Variants in CTNND2 observed in about 807,000 individuals in gnomAD.
CTNND2 encodes catenin delta-2.
In CTNND2, 22 loss-of-function variants were observed where a neutral mutation model predicts 144.4. The observed-to-expected ratio is 0.15, with a 90% CI of 0.11 to 0.22. The LOEUF (loss-of-function observed/expected upper bound fraction) is 0.22, where lower values mean the gene tolerates loss of function less well. CTNND2 is among the 10% of genes least tolerant of loss of function. The pLI, the probability that CTNND2 is intolerant of heterozygous loss-of-function variation, is 1.00. For synonymous variants in CTNND2, 751 were observed against 695.6 expected, an observed-to-expected ratio of 1.08 and a Z score of -1.25; for missense variants, 1,353 against 1,618.8, an observed-to-expected ratio of 0.84 and a Z score of 2.82.
At chr5:11,081,084 A>ACACACACACACACACACT (rs1561272710) in intron 16 of CTNND2, among the ~76,000 whole-genome samples, 14 of 150,194 alleles carry the variant, frequency 9.3e-5, no homozygotes, top group Non-Finnish European at 3.0e-5. Flanking sequence ...ACACACACAC[A>ACACACACACACACACACT]CACACACACA....
intron 1 of CTNND2, among the ~76,000 whole-genome samples, chr5:11,745,228 A>ATT (rs1052800670): frequency 5.9e-5 from 9 of 152,134 alleles, no homozygotes; most frequent in African/African-American, 2.2e-4. Context: ...TGGCACATAC[A>ATT]TTGTTGGCAA....
intron 16 of CTNND2, among the ~76,000 whole-genome samples, chr5:11,077,171 G>C (rs938556586): frequency 6.6e-6 from 1 of 152,106 alleles, no homozygotes; most frequent in African/African-American, 2.4e-5. Context: ...ATTGGGCATT[G>C]TTCTAGGTAC....
At chr5:11,368,488 C>T (rs1449305919) in intron 7 of CTNND2, among the ~76,000 whole-genome samples, 1 of 152,062 alleles carries the variant, frequency 6.6e-6, no homozygotes, top group Non-Finnish European at 1.5e-5. Context: ...GCAGAAGGGA[C>T]CACTGGAGAA....
chr5:11,033,868 G>A (rs1003211569), intron 16 of CTNND2, among the ~76,000 whole-genome samples: 1 of 151,972 alleles, frequency 6.6e-6, no homozygotes, highest in Non-Finnish European at 1.5e-5. Flanking sequence ...TTTCACAAAA[G>A]CTTATTTCAA....
chr5:11,159,775 A>G lies in CTNND2; in HGVS notation c.1976-16T>C. The G allele has an allele frequency of 6.5e-7, 1 of 1,548,498 alleles. No homozygotes were observed. The highest frequency in any genetic ancestry group is 8.7e-7 in the Non-Finnish European group (1 of 1,145,842). ...CAAAGGACTCCTGCAAGAGACACAC[A>G]AAAAGAGGTTTTGGGTGGCCACAAG... is the stretch of plus-strand genomic sequence containing the variant. On this transcript the variant is annotated splice_polypyrimidine_tract_variant and intron_variant, in intron 11 of 21. Coordinates refer to ENST00000304623, the MANE Select transcript of CTNND2 (RefSeq NM_001332.4).
intron 2 of CTNND2, among the ~76,000 whole-genome samples, chr5:11,623,808 GTATA>G (rs58954001): frequency 0.17 from 6,584 of 39,650 alleles, 257 homozygotes; most frequent in Admixed American, 0.25. Context: ...ATGTGTGTAT[GTATA>G]TATATATATA....
intron 2 of CTNND2, among the ~76,000 whole-genome samples, chr5:11,713,153 G>C (rs1786132678): frequency 6.6e-6 from 1 of 152,114 alleles, no homozygotes; most frequent in Admixed American, 6.6e-5. Flanking sequence ...TCTTATTTTA[G>C]GATGACAGAA....
At chr5:11,616,137 C>T (rs1230101604) in intron 2 of CTNND2, among the ~76,000 whole-genome samples, 3 of 152,196 alleles carry the variant, frequency 2.0e-5, no homozygotes, top group Admixed American at 2.0e-4. Context: ...TTGCCAACTA[C>T]ATTTGCCTAC....
At chr5:11,780,307 T>C (rs146607811) in intron 1 of CTNND2, among the ~76,000 whole-genome samples, 147 of 152,254 alleles carry the variant, frequency 9.7e-4, no homozygotes, top group African/African-American at 3.3e-3. Context: ...AGGAATTCAA[T>C]GCTATGCCAG....
At position 11,829,729 on chromosome 5, in the gene CTNND2, T is replaced by C. The variant is rs151210934; in HGVS notation, c.37+74088A>G. On this transcript the variant is annotated intron_variant, in intron 1 of 21. Coordinates refer to ENST00000304623, the MANE Select transcript of CTNND2 (RefSeq NM_001332.4). ...GGGAAATGTGGGGTCAGAGGCCCCA[T>C]ACAGAGTCCCTACTGAGGCACTGCC... is the stretch of plus-strand genomic sequence containing the variant. Among the ~76,000 whole-genome samples the C allele has an allele frequency of 5.7e-3, 862 of 152,288 alleles. 8 individuals carry two copies. Among genetic ancestry groups the C allele is most frequent in the African/African-American group, 0.019 (797 of 41,574 alleles).
chr5:11,253,566 G>C (rs552369848), intron 9 of CTNND2, among the ~76,000 whole-genome samples: 4 of 152,210 alleles, frequency 2.6e-5, no homozygotes, highest in Non-Finnish European at 4.4e-5. Context: ...TGATTGTGAG[G>C]CCTCCCCAGC....
At chr5:11,265,103 A>G (rs907158731) in intron 9 of CTNND2, among the ~76,000 whole-genome samples, 4 of 152,222 alleles carry the variant, frequency 2.6e-5, no homozygotes, top group African/African-American at 9.6e-5. Context: ...AAAGAAAGAT[A>G]TCAACAAGTT....
At chr5:11,664,695 C>T (rs1046175507) in intron 2 of CTNND2, among the ~76,000 whole-genome samples, 19 of 152,128 alleles carry the variant, frequency 1.2e-4, no homozygotes, top group African/African-American at 3.4e-4. Flanking sequence ...AGATGGCCTT[C>T]GGGTTGAGAT....
At chr5:11,319,860 G>A (rs1751862109) in intron 9 of CTNND2, among the ~76,000 whole-genome samples, 2 of 152,090 alleles carry the variant, frequency 1.3e-5, no homozygotes, top group African/African-American at 4.8e-5. Context: ...TCATGTATTT[G>A]TTTTTTTGGA....
chr5:11,802,351 T>C (rs1791737930), intron 1 of CTNND2, among the ~76,000 whole-genome samples: 1 of 152,044 alleles, frequency 6.6e-6, no homozygotes, highest in South Asian at 2.1e-4. Context: ...GAGGATCACC[T>C]GAGGTCAGGA....
intron 3 of CTNND2, among the ~76,000 whole-genome samples, chr5:11,529,704 G>C (rs1226590186): frequency 1.3e-5 from 2 of 152,098 alleles, no homozygotes; most frequent in Non-Finnish European, 2.9e-5. Flanking sequence ...GATAGTTTAA[G>C]CTTTATTCCA....
At chr5:11,563,557 G>T (rs6873901) in intron 3 of CTNND2, among the ~76,000 whole-genome samples, 1 of 151,972 alleles carries the variant, frequency 6.6e-6, no homozygotes, top group Non-Finnish European at 1.5e-5. Flanking sequence ...TGGTTAATCT[G>T]GATGTTTAGG....
At position 11,233,716 on chromosome 5, in the gene CTNND2, CTGTG is replaced by C. The variant is rs3033106; in HGVS notation, c.1761+2971_1761+2974del. ...AGAATCCTTATTAGAGTTTACGTGT[CTGTG>C]TGTGTGTGTGTGTGTGTGTGTGTGT... On this transcript the variant is annotated intron_variant, in intron 10 of 21. Transcript: ENST00000304623. Among the ~76,000 whole-genome samples the C allele has an allele frequency of 5.2e-3, 762 of 147,792 alleles. 1 individual carries two copies. The highest frequency in any genetic ancestry group is 9.5e-3 in the Admixed American group (141 of 14,818).
At chr5:11,682,429 T>C (rs1366472337) in intron 2 of CTNND2, among the ~76,000 whole-genome samples, 1 of 152,194 alleles carries the variant, frequency 6.6e-6, no homozygotes, top group East Asian at 1.9e-4. Context: ...AACATCCGGA[T>C]AGATTCCTAA....
Sources: gnomAD v4.1 joint callset for allele counts (sites outside exome capture counted in the v4.1 genomes callset) on GRCh38, gnomAD v4.1.1 for gene constraint, MANE v1.5 for transcripts, NCBI Gene and HGNC (gene_info 2026-07-23, HGNC 2026-07-21) for gene names.